ZFHX3: variants seen among roughly 807,000 people sequenced by gnomAD.
The protein encoded by ZFHX3 is zinc finger homeobox protein 3.
A neutral mutation model predicts 279.1 loss-of-function variants in ZFHX3; 42 were observed. That is an observed-to-expected ratio of 0.15 (90% CI 0.12 to 0.19). The LOEUF is 0.19. Ranked by LOEUF, ZFHX3 falls within the 10% of genes least tolerant of loss-of-function variation. ZFHX3 has a pLI of 1.00. For missense variants in ZFHX3, 4,981 were observed against 4,754.0 expected, an observed-to-expected ratio of 1.05 and a Z score of -1.40; for synonymous variants, 2,293 against 1,957.8, an observed-to-expected ratio of 1.17 and a Z score of -4.52.
chr16:73,381,423 A>G (rs1395130959), intron 3 of ZFHX3, among the ~76,000 whole-genome samples: 1 of 152,204 alleles, frequency 6.6e-6, no homozygotes, highest in African/African-American at 2.4e-5. Context: ...TAGTAATCAA[A>G]TCTAAGTGGT....
At chr16:73,236,534 G>A (rs1251758911) in intron 5 of ZFHX3, among the ~76,000 whole-genome samples, 1 of 152,104 alleles carries the variant, frequency 6.6e-6, no homozygotes, top group Non-Finnish European at 1.5e-5. Context: ...AGAGGCAGAG[G>A]TTGTAGTGAG....
chr16:72,915,609 A>T (rs1016636487), intron 3 of ZFHX3, among the ~76,000 whole-genome samples: 8 of 152,016 alleles, frequency 5.3e-5, no homozygotes, highest in Admixed American at 2.0e-4. Context: ...AAATAAAAAA[A>T]ATTAGCCAGG....
intron 3 of ZFHX3, among the ~76,000 whole-genome samples, chr16:72,949,604 G>T (rs892959442): frequency 6.6e-6 from 1 of 152,136 alleles, no homozygotes; most frequent in Non-Finnish European, 1.5e-5. Context: ...GGGGAAAGCG[G>T]AGGGTGGAGG....
In ZFHX3 at chr16:73,305,434, T is replaced by C. The variant is rs373533609; in HGVS notation, c.-1194+12806A>G. ...GCAAAGAGGACGGTGGATTCAGAAA[T>C]AGCCCAGAGATGACTTCCAAAGTGA... On this transcript the variant is annotated intron_variant, in intron 4 of 17. Coordinates refer to the ZFHX3 transcript ENST00000641206. Among the ~76,000 whole-genome samples the C allele has an allele frequency of 1.5e-4, 23 of 152,092 alleles. No individual in the cohort carries two copies. The South Asian group carries it at 4.8e-3, about 32-fold the overall frequency.
chr16:73,885,028 G>A (rs1473199470), intron 1 of ZFHX3, among the ~76,000 whole-genome samples: 1 of 152,096 alleles, frequency 6.6e-6, no homozygotes, highest in Admixed American at 6.6e-5. Context: ...ATAATAAACA[G>A]AGACATCCCC....
chr16:72,895,961 C>T (rs2038889923), intron 3 of ZFHX3, among the ~76,000 whole-genome samples: 1 of 152,176 alleles, frequency 6.6e-6, no homozygotes, highest in Non-Finnish European at 1.5e-5. Flanking sequence ...TGCAAAGGTA[C>T]TGTAGCTTTC....
At chr16:73,766,151 A>G (rs965460130) in intron 1 of ZFHX3, among the ~76,000 whole-genome samples, 2 of 152,192 alleles carry the variant, frequency 1.3e-5, no homozygotes, top group African/African-American at 4.8e-5. Context: ...TTCTGTTCCA[A>G]TGTCACTTTA....
chr16:73,875,200 T>C (rs1446344550), intron 1 of ZFHX3, among the ~76,000 whole-genome samples: 1 of 152,208 alleles, frequency 6.6e-6, no homozygotes, highest in African/African-American at 2.4e-5. Flanking sequence ...ATAAGATTTA[T>C]CGCAAAATGT....
Position 72,788,154 on chromosome 16 carries a change from T to C in ZFHX3, c.10122A>G (p.Ala3374=). The part of the protein sequence containing the change: ...YQQYQQSLQE[A]IQQQQQRQLQ... The stretch of plus-strand genomic sequence containing the variant: ...GTTGCCGCTGCTGCTGCTGCTGAAT[T>C]GCCTCCTGCAGACTCTGCTGGTATT... Residue 3374 remains alanine, a synonymous_variant, in exon 10 of 10, where the codon GCA becomes GCG. Transcript: ENST00000268489. The C allele has an allele frequency of 1.2e-6, 2 of 1,612,196 alleles. No homozygotes were observed. The highest frequency in any genetic ancestry group is 1.7e-6 in the Non-Finnish European group (2 of 1,179,534).
At chr16:73,362,116 G>C (rs921515347) in intron 3 of ZFHX3, among the ~76,000 whole-genome samples, 1 of 148,890 alleles carries the variant, frequency 6.7e-6, no homozygotes. Context: ...TCCAACAAGG[G>C]CCACGTGCCT....
In ZFHX3 at chr16:72,978,621, A is replaced by G. The variant is rs573976189; in HGVS notation, c.-49-18427T>C. Among the ~76,000 whole-genome samples the G allele has an allele frequency of 2.6e-5, 4 of 152,292 alleles. No homozygotes were observed. In the East Asian group the frequency reaches 7.7e-4, roughly 29 times the overall value. ...CGCCACGCTGCTGGCCTAGGAGAGC[A>G]TCGGCCGGGGGTGGGAGACATCGTT... is the stretch of plus-strand genomic sequence containing the variant. On this transcript the variant is annotated intron_variant, in intron 1 of 9. Transcript: ENST00000268489.
At chr16:73,478,431 G>A (rs1004814145) in intron 2 of ZFHX3, among the ~76,000 whole-genome samples, 9 of 152,102 alleles carry the variant, frequency 5.9e-5, no homozygotes, top group Admixed American at 3.9e-4. Flanking sequence ...ATAAATAACA[G>A]CACTTTGTTA....
chr16:73,044,131 C>T (rs1965211732), intron 1 of ZFHX3, among the ~76,000 whole-genome samples: 2 of 130,448 alleles, frequency 1.5e-5, no homozygotes, highest in Admixed American at 1.4e-4. Context: ...AAACTGGGTT[C>T]CCATTTCCCC....
chr16:73,583,000 T>C (rs564714028), intron 2 of ZFHX3, among the ~76,000 whole-genome samples: 1 of 152,360 alleles, frequency 6.6e-6, no homozygotes, highest in East Asian at 1.9e-4. Context: ...TAAAAGGCTA[T>C]AAGATTCATT....
intron 4 of ZFHX3, among the ~76,000 whole-genome samples, chr16:72,869,922 T>C (rs950378186): frequency 3.9e-5 from 6 of 152,198 alleles, no homozygotes; most frequent in Non-Finnish European, 5.9e-5. Context: ...ATCATGTATC[T>C]CATGAAACAA....
chr16:73,293,344 C>T (rs2014822307), intron 4 of ZFHX3, among the ~76,000 whole-genome samples: 2 of 152,118 alleles, frequency 1.3e-5, no homozygotes, highest in South Asian at 4.1e-4. Flanking sequence ...CACCCAACAC[C>T]AAGAGGGTAA....
At chr16:73,107,355 C>T (rs916212208) in intron 7 of ZFHX3, among the ~76,000 whole-genome samples, 1 of 151,980 alleles carries the variant, frequency 6.6e-6, no homozygotes, top group Non-Finnish European at 1.5e-5. Context: ...AAAATTGATT[C>T]CTCTTTAGTT....
Position 73,173,950 on chromosome 16 carries a change from A to T in ZFHX3, c.-1103-30119T>A, listed in dbSNP as rs547287986. Reference sequence around the variant, plus strand: ...TGGAACCATGTAAAATAATTAAAACATTCGGTCCCTGTTTATCTTTTGCTT... The same window carrying T: ...TGGAACCATGTAAAATAATTAAAACTTTCGGTCCCTGTTTATCTTTTGCTT... On this transcript the variant is annotated intron_variant, in intron 5 of 17. Transcript: ENST00000641206. Among the ~76,000 whole-genome samples, 3 of 152,308 alleles carry T rather than the reference A, an allele frequency of 2.0e-5. No individual in the cohort carries two copies. The East Asian group carries it at 5.8e-4, about 29-fold the overall frequency.
chr16:73,698,737 G>C (rs545090577), intron 1 of ZFHX3, among the ~76,000 whole-genome samples: 1 of 152,246 alleles, frequency 6.6e-6, no homozygotes, highest in South Asian at 2.1e-4. Context: ...TAAGGCCTGA[G>C]GAAATGTCAC....
Sources: gnomAD v4.1 joint callset for allele counts (sites outside exome capture counted in the v4.1 genomes callset) on GRCh38, gnomAD v4.1.1 for gene constraint, MANE v1.5 for transcripts, NCBI Gene and HGNC (gene_info 2026-07-23, HGNC 2026-07-21) for gene names.